The following PANX1 variants were observed in gnomAD, a reference collection of about 807,000 sequenced individuals.
The protein encoded by PANX1 is pannexin-1.
In PANX1, 30 loss-of-function variants were observed where a neutral mutation model predicts 38.7. The ratio of observed to expected loss-of-function variants is 0.78; its 90% CI spans 0.58 to 1.05. PANX1 has a LOEUF of 1.05. Among genes scored for constraint, PANX1 ranks in the 50% least tolerant of loss-of-function variants. The pLI is 0.00. For missense variants in PANX1, 551 were observed against 517.2 expected (o/e 1.07, Z -0.63); for synonymous variants, 230 against 212.2 (o/e 1.08, Z -0.73).
intron 2 of PANX1, among the ~76,000 whole-genome samples, chr11:94,161,825 C>G (rs1947041063): frequency 6.6e-6 from 1 of 152,172 alleles, no homozygotes; most frequent in Non-Finnish European, 1.5e-5. Context: ...TATTTCTGCT[C>G]TGTTTTTTCC....
chr11:94,148,082 A>G (rs1358180797), intron 1 of PANX1, among the ~76,000 whole-genome samples: 2 of 152,234 alleles, frequency 1.3e-5, no homozygotes, highest in South Asian at 2.1e-4. Flanking sequence ...AAGTATTTCA[A>G]TTCCATTTTT....
In PANX1 at chr11:94,179,646, A is replaced by G. The variant is rs756612625; in HGVS notation, c.590A>G (p.Glu197Gly). ...AGCCACTTCAAGTACCCAATTGTGGAGCAGTACTTGAAGACAAAGAAAAAT... is the reference window on the plus strand; with the variant it reads ...AGCCACTTCAAGTACCCAATTGTGGGGCAGTACTTGAAGACAAAGAAAAAT... Reference protein sequence around the residue: ...SESHFKYPIVEQYLKTKKNSN... With the variant: ...SESHFKYPIVGQYLKTKKNSN... Residue 197 changes from glutamate to glycine, a missense_variant, in exon 4 of 5, where the codon GAG becomes GGG. Transcript: ENST00000227638. The G allele has an allele frequency of 4.5e-5, 72 of 1,613,382 alleles. 1 individual carries two copies. Among genetic ancestry groups the G allele is most frequent in the Non-Finnish European group, 5.6e-5 (66 of 1,179,666 alleles).
intron 1 of PANX1, among the ~76,000 whole-genome samples, chr11:94,148,048 T>C (rs1946847319): frequency 6.6e-6 from 1 of 151,956 alleles, no homozygotes; most frequent in Admixed American, 6.6e-5. Context: ...GGTGAACCAA[T>C]GTGGTTTAAA....
intron 2 of PANX1, among the ~76,000 whole-genome samples, chr11:94,174,631 C>T (rs888799423): frequency 2.6e-5 from 4 of 151,606 alleles, no homozygotes; most frequent in African/African-American, 9.8e-5. Context: ...TTGGGGCAGA[C>T]TCTGTGCCTA....
In PANX1 at chr11:94,153,638, GAGACATTTCCAAAT is replaced by G. The variant is rs1181088690; in HGVS notation, c.321+12_321+25del. 2 of 1,611,582 alleles carry G rather than the reference GAGACATTTCCAAAT, an allele frequency of 1.2e-6. No homozygotes were observed. The highest frequency in any genetic ancestry group is 4.5e-5 in the East Asian group (2 of 44,892). ...CCACTGTGGCTGCATAAGGTAAAGG[GAGACATTTCCAAAT>G]AGAACCTGTTTGCTTTATAGATAAG... On this transcript the variant is annotated intron_variant, in intron 2 of 4. Coordinates refer to ENST00000227638, the MANE Select transcript of PANX1 (RefSeq NM_015368.4).
At chr11:94,149,203 G>T (rs2134489171) in intron 1 of PANX1, among the ~76,000 whole-genome samples, 1 of 152,332 alleles carries the variant, frequency 6.6e-6, no homozygotes, top group South Asian at 2.1e-4. Context: ...TCCTGCTGAA[G>T]TGGAACAAGA....
intron 2 of PANX1, among the ~76,000 whole-genome samples, chr11:94,161,410 G>T (rs1591518613): frequency 6.6e-6 from 1 of 152,146 alleles, no homozygotes; most frequent in Non-Finnish European, 1.5e-5. Context: ...ATTTCTTGGA[G>T]GCTTTGTTTC....
In PANX1 at chr11:94,180,045, T is replaced by G. The variant is rs767861483; in HGVS notation, c.989T>G (p.Leu330Arg). The G allele has an allele frequency of 1.2e-6, 2 of 1,609,802 alleles. No individual in the cohort carries two copies. Among genetic ancestry groups the G allele is most frequent in the African/African-American group, 1.3e-5 (1 of 74,812 alleles). Reference protein sequence around the residue: ...FKSEGYNDLSLYNLFLEENIS... With the variant: ...FKSEGYNDLSRYNLFLEENIS... ...TCTGAAGGGTACAACGATTTGAGCC[T>G]CTACAATCTCTTCTTGGAGGAAAAT... Residue 330 changes from leucine (L) to arginine (R), a missense_variant, in exon 4 of 5, where the codon CTC (leucine) becomes CGC (arginine). Leu to Arg is a moderately radical substitution (Grantham distance 102). Coordinates refer to ENST00000227638, the MANE Select transcript of PANX1 (RefSeq NM_015368.4).
At chr11:94,159,874 A>C (rs1947001507) in intron 2 of PANX1, among the ~76,000 whole-genome samples, 1 of 150,782 alleles carries the variant, frequency 6.6e-6, no homozygotes, top group African/African-American at 2.4e-5. Context: ...TAGTGCTCTA[A>C]ATTTCCCTCT....
intron 2 of PANX1, chr11:94,175,805 G>T: frequency 2.0e-6 from 2 of 984,774 alleles, no homozygotes; most frequent in Non-Finnish European, 2.4e-6. Context: ...GTGTGTCATT[G>T]TGTAGCAGCC....
At chr11:94,153,895 A>G (rs1946914552) in intron 2 of PANX1, among the ~76,000 whole-genome samples, 1 of 152,154 alleles carries the variant, frequency 6.6e-6, no homozygotes, top group South Asian at 2.1e-4. Flanking sequence ...TGACACCTTT[A>G]TATCATAATG....
chr11:94,147,609 T>C (rs1438144173), intron 1 of PANX1, among the ~76,000 whole-genome samples: 2 of 152,234 alleles, frequency 1.3e-5, no homozygotes, highest in Non-Finnish European at 2.9e-5. Context: ...TTTCTGTTGC[T>C]GCACTTAGCG....
intron 2 of PANX1, among the ~76,000 whole-genome samples, chr11:94,163,271 T>C (rs549129916): frequency 6.6e-6 from 1 of 152,322 alleles, no homozygotes; most frequent in African/African-American, 2.4e-5. Context: ...AATCAGGGAA[T>C]GAAAGTGTTA....
intron 2 of PANX1, among the ~76,000 whole-genome samples, chr11:94,160,849 G>T (rs1167805981): frequency 2.6e-5 from 4 of 151,992 alleles, no homozygotes; most frequent in Non-Finnish European, 5.9e-5. Context: ...GCATTTTTTT[G>T]CATTGGCTGG....
At chr11:94,147,633 A>G (rs777669238) in intron 1 of PANX1, among the ~76,000 whole-genome samples, 4 of 152,142 alleles carry the variant, frequency 2.6e-5, no homozygotes, top group African/African-American at 4.8e-5. Flanking sequence ...TGCGTTGTTC[A>G]TACCGTCATT....
At chr11:94,145,872 G>A (rs1158599776) in intron 1 of PANX1, among the ~76,000 whole-genome samples, 1 of 152,222 alleles carries the variant, frequency 6.6e-6, no homozygotes, top group Non-Finnish European at 1.5e-5. Context: ...AGATGAAGAA[G>A]AACCCAGTGG....
intron 1 of PANX1, among the ~76,000 whole-genome samples, chr11:94,136,589 A>C (rs1946694340): frequency 6.6e-6 from 1 of 151,588 alleles, no homozygotes; most frequent in South Asian, 2.1e-4. Flanking sequence ...GACCACGGTG[A>C]AACCCTGTCT....
chr11:94,159,497 G>A (rs991312941), intron 2 of PANX1, among the ~76,000 whole-genome samples: 1 of 151,986 alleles, frequency 6.6e-6, no homozygotes, highest in East Asian at 1.9e-4. Context: ...TGTATGTGTC[G>A]AGGAATTTAT....
chr11:94,136,118 C>A (rs1946686050), intron 1 of PANX1, among the ~76,000 whole-genome samples: 1 of 152,208 alleles, frequency 6.6e-6, no homozygotes, highest in Middle Eastern at 3.4e-3. Flanking sequence ...CTAGTCGCAG[C>A]AGTATCAGTT....
Sources: gnomAD v4.1 joint callset for allele counts (sites outside exome capture counted in the v4.1 genomes callset) on GRCh38, gnomAD v4.1.1 for gene constraint, MANE v1.5 for transcripts, NCBI Gene and HGNC (gene_info 2026-07-23, HGNC 2026-07-21) for gene names.